The following CD300LF variants were observed in gnomAD, a reference collection of about 807,000 sequenced individuals.
CD300LF encodes CD300 molecule like family member f, also known as CMRF35-like molecule 1.
A neutral mutation model predicts 32.2 loss-of-function variants in CD300LF; 27 were observed. The ratio of observed to expected loss-of-function variants is 0.84; its 90% CI spans 0.62 to 1.15. CD300LF has a LOEUF of 1.15. CD300LF is among the 50% of genes most tolerant of loss of function. The probability of loss-of-function intolerance (pLI) is 0.00; values close to 1 mark genes in which losing one functional copy is unlikely to be tolerated. For missense variants in CD300LF, 348 were observed against 356.8 expected, an observed-to-expected ratio of 0.98 and a Z score of 0.20; for synonymous variants, 139 against 143.2, an observed-to-expected ratio of 0.97 and a Z score of 0.21.
intron 3 of CD300LF, among the ~76,000 whole-genome samples, chr17:74,701,462 T>TAATA (rs1167942371): frequency 6.6e-6 from 1 of 152,190 alleles, no homozygotes; most frequent in East Asian, 1.9e-4. Flanking sequence ...ATTCATAAAA[T>TAATA]AATAAATAAA....
At chr17:74,703,139 C>G (rs144047103) in intron 2 of CD300LF, 41 bp from the exon 3 acceptor site, 3 of 1,612,822 alleles carry the variant, frequency 1.9e-6, no homozygotes, top group Non-Finnish European at 2.5e-6. Context: ...GGGCAGGAGT[C>G]GACGCTGTAG....
At chr17:74,705,237 C>G in intron 1 of CD300LF, 1 of 702,260 alleles carries the variant, frequency 1.4e-6, no homozygotes, top group South Asian at 1.5e-5. Flanking sequence ...CTCATGAGGT[C>G]GAGCTGAGGC....
chr17:74,703,245 C>T, intron 2 of CD300LF, 147 bp from the exon 3 acceptor site: 1 of 920,500 alleles, frequency 1.1e-6, no homozygotes, highest in Admixed American at 2.2e-5. Flanking sequence ...GGGGTCTGGA[C>T]TGCTACTATG....
intron 4 of CD300LF, 119 bp downstream of exon 4, chr17:74,698,250 C>T: frequency 1.3e-6 from 1 of 778,594 alleles, no homozygotes; most frequent in South Asian, 1.7e-5. Flanking sequence ...TGCTGAGGGC[C>T]TTTGGGACTG....
At chr17:74,712,756 T>G in intron 1 of CD300LF, 68 bp downstream of exon 1, 2 of 1,565,132 alleles carry the variant, frequency 1.3e-6, no homozygotes, top group Non-Finnish European at 1.8e-6. Flanking sequence ...GGGTCCCTTC[T>G]TCCCTCTCTC....
At chr17:74,703,139 C>A in intron 2 of CD300LF, 41 bp from the exon 3 acceptor site, 1 of 1,612,940 alleles carries the variant, frequency 6.2e-7, no homozygotes, top group South Asian at 1.1e-5. Flanking sequence ...GGGCAGGAGT[C>A]GACGCTGTAG....
Position 74,704,456 on chromosome 17 carries a change from A to T in CD300LF, c.382+22T>A, listed in dbSNP as rs2143774379. ...ACAGAGCAGGCCCTGAGAGACACAC[A>T]CATATATACACTCCCTCTTACCTGG... On this transcript the variant is annotated intron_variant, in intron 2 of 6. Coordinates refer to ENST00000326165, the MANE Select transcript of CD300LF (RefSeq NM_139018.5). 3 of 1,545,776 alleles carry T rather than the reference A, an allele frequency of 1.9e-6. No homozygotes were observed. The East Asian group carries it at 6.7e-5, about 35-fold the overall frequency.
Position 74,704,647 on chromosome 17 carries a change from T to C in CD300LF, c.213A>G (p.Ser71=), listed in dbSNP as rs781637436. 16 of 1,614,194 alleles carry C rather than the reference T, an allele frequency of 9.9e-6. No homozygotes were observed. In the East Asian group the frequency reaches 1.1e-4, roughly 11 times the overall value. The change falls in exon 2 of 7, where the codon TCA becomes TCG. Residue 71 remains serine, a synonymous_variant. Coordinates refer to ENST00000326165, the MANE Select transcript of CD300LF (RefSeq NM_139018.5). ...CCCGGTCCCTCTTCACCTCCTGCTC[T>C]GACCCACTGGTTTTAACAAGGATCT... ...DCKILVKTSG[S]EQEVKRDRVS... is the part of the protein sequence containing the mutation.
chr17:74,695,663 G>A, intron 6 of CD300LF, 62 bp downstream of exon 6: 1 of 1,610,708 alleles, frequency 6.2e-7, no homozygotes, highest in Non-Finnish European at 8.5e-7. Context: ...CTCCAACGGG[G>A]TGCAACGGCA....
Position 74,704,814 on chromosome 17 carries a change from A to G in CD300LF, c.46T>C (p.Tyr16His). ...LYLLLFWLSG[Y>H]SIVTQITGPT... is the part of the protein sequence containing the mutation. ...CCGGTGATTTGAGTGACAATGGAGTAGCCTGGAAAACACAAATTCATGTGC... is the reference window on the plus strand; with the variant it reads ...CCGGTGATTTGAGTGACAATGGAGTGGCCTGGAAAACACAAATTCATGTGC... The change falls in exon 2 of 7, where the codon TAC becomes CAC. Residue 16 changes from tyrosine to histidine, a missense_variant and splice_region_variant. Transcript: ENST00000326165. 6.2e-7 allele frequency: 1 copy of G among 1,608,476 alleles called. No individual in the cohort carries two copies. Among genetic ancestry groups the G allele is most frequent in the Non-Finnish European group, 8.5e-7 (1 of 1,175,802 alleles).
At chr17:74,707,651 G>T (rs938601485) in intron 1 of CD300LF, among the ~76,000 whole-genome samples, 1 of 151,630 alleles carries the variant, frequency 6.6e-6, no homozygotes, top group African/African-American at 2.4e-5. Flanking sequence ...GGAGGCGGAG[G>T]TTGCAGTGAG....
In CD300LF at chr17:74,704,771, C is replaced by G; in HGVS notation, c.89G>C (p.Gly30Ala). ...CACGGTCAAGGAGCCCCGCTCCAAG[C>G]CATTCACTGTTGTTGGACCGGTGAT... The part of the protein sequence containing the change: ...TQITGPTTVN[G>A]LERGSLTVQC... Residue 30 changes from glycine (G) to alanine (A), a missense_variant, in exon 2 of 7, where the codon GGC becomes GCC. Transcript: ENST00000326165. The G allele has an allele frequency of 2.5e-6, 4 of 1,614,118 alleles. No individual in the cohort carries two copies. Among genetic ancestry groups the G allele is most frequent in the Non-Finnish European group, 3.4e-6 (4 of 1,179,978 alleles).
intron 1 of CD300LF, among the ~76,000 whole-genome samples, chr17:74,708,312 T>C (rs1195198479): frequency 7.9e-5 from 12 of 152,104 alleles, no homozygotes; most frequent in Non-Finnish European, 1.5e-5. Context: ...TCCAGACCCA[T>C]ACAGCTTCAA....
chr17:74,704,425 A>C, intron 2 of CD300LF, 53 bp downstream of exon 2: 2 of 1,274,742 alleles, frequency 1.6e-6, no homozygotes, highest in Non-Finnish European at 2.2e-6. Flanking sequence ...GACCTCAGAG[A>C]CCAGGACAGA....
At chr17:74,711,084 G>C (rs1203500250) in intron 1 of CD300LF, among the ~76,000 whole-genome samples, 1 of 152,108 alleles carries the variant, frequency 6.6e-6, no homozygotes, top group African/African-American at 2.4e-5. Flanking sequence ...CAAACTTCCG[G>C]ATGGGTATTT....
In CD300LF at chr17:74,710,196, C is replaced by T. The variant is rs568795919; in HGVS notation, c.43+2628G>A. Among the ~76,000 whole-genome samples the T allele has an allele frequency of 2.7e-5, 4 of 150,914 alleles. No individual in the cohort carries two copies. The South Asian group carries it at 6.3e-4, about 24-fold the overall frequency. ...GGTTTCACCGTAGCCAGGATGGTCTCGATCTCCTGACCTTGTGATCCGCCT... is the reference window on the plus strand; with the variant it reads ...GGTTTCACCGTAGCCAGGATGGTCTTGATCTCCTGACCTTGTGATCCGCCT... On this transcript the variant is annotated intron_variant, in intron 1 of 6. Transcript: ENST00000326165.
chr17:74,711,304 A>C (rs2033944970), intron 1 of CD300LF, among the ~76,000 whole-genome samples: 2 of 151,320 alleles, frequency 1.3e-5, no homozygotes, highest in Admixed American at 1.3e-4. Context: ...AACCACTCCC[A>C]CTCCCAACAC....
chr17:74,712,242 G>A lies in CD300LF; in HGVS notation c.43+582C>T, dbSNP rs114065481. Among the ~76,000 whole-genome samples the A allele has an allele frequency of 4.7e-3, 717 of 152,106 alleles. 9 individuals carry two copies. The highest frequency in any genetic ancestry group is 0.016 in the African/African-American group (653 of 41,476). On this transcript the variant is annotated intron_variant, in intron 1 of 6. Transcript: ENST00000326165. ...TAAAAATTGTATGCACCAACTTAAG[G>A]TGTCTCCTGCCCTCTGGCTCTGCCC...
chr17:74,697,548 TC>T (rs1447757812), intron 4 of CD300LF, among the ~76,000 whole-genome samples: 1 of 152,158 alleles, frequency 6.6e-6, no homozygotes, highest in East Asian at 1.9e-4. Flanking sequence ...GCGAAAGATT[TC>T]CCAGGCTGTG....
Sources: gnomAD v4.1 joint callset for allele counts (sites outside exome capture counted in the v4.1 genomes callset) on GRCh38, gnomAD v4.1.1 for gene constraint, MANE v1.5 for transcripts, NCBI Gene and HGNC (gene_info 2026-07-23, HGNC 2026-07-21) for gene names.